The following RYR1 variants were observed in gnomAD, a reference collection of about 807,000 sequenced individuals.
RYR1 encodes ryanodine receptor 1.
A neutral mutation model predicts 583.5 loss-of-function variants in RYR1; 342 were observed. The observed-to-expected ratio is 0.59, with a 90% confidence interval of 0.54 to 0.64. The LOEUF (loss-of-function observed/expected upper bound fraction) is 0.64, where lower values mean the gene tolerates loss of function less well. Among genes scored for constraint, RYR1 ranks in the 30% least tolerant of loss-of-function variants. The pLI, the probability that RYR1 is intolerant of heterozygous loss-of-function variation, is 0.00. For synonymous variants in RYR1, 2,791 were observed against 2,822.5 expected (o/e 0.99, Z 0.35); for missense variants, 6,032 against 6,917.2 (o/e 0.87, Z 4.54).
rs944826130 is a variant in RYR1, at chr19:38,467,699, G to C, written c.3268G>C (p.Glu1090Gln). The stretch of plus-strand genomic sequence containing the variant: ...AGTGCAGAGCGGCCGCTGGTACTTC[G>C]AGTTTGAAGCAGTCACCACAGGCGA... Reference protein sequence around the residue: ...YTVQSGRWYFEFEAVTTGEMR... With the variant: ...YTVQSGRWYFQFEAVTTGEMR... The change falls in exon 25 of 106, where the codon GAG becomes CAG. Residue 1090 changes from glutamate (E) to glutamine (Q), a missense_variant. By Grantham distance (29) the Glu-to-Gln change is conservative (BLOSUM62 2). Transcript: ENST00000359596. 6.2e-7 allele frequency: 1 copy of C among 1,614,094 alleles called. No individual in the cohort carries two copies. The highest frequency in any genetic ancestry group is 1.3e-5 in the African/African-American group (1 of 74,930).
intron 88 of RYR1, among the ~76,000 whole-genome samples, chr19:38,547,031 A>T (rs1972460884): frequency 1.0e-5 from 1 of 97,604 alleles, no homozygotes; most frequent in Non-Finnish European, 2.2e-5. Context: ...ATATATTAGG[A>T]TCCCTTTTTT....
Position 38,486,090 on chromosome 19 carries a change from T to G in RYR1, c.5435T>G (p.Leu1812Arg). The G allele has an allele frequency of 6.2e-7, 1 of 1,612,856 alleles. No individual in the cohort carries two copies. The highest frequency in any genetic ancestry group is 8.5e-7 in the Non-Finnish European group (1 of 1,179,568). Residue 1812 changes from leucine to arginine, a missense_variant, in exon 34 of 106, where the codon CTG becomes CGG. Leu to Arg is a moderately radical substitution (Grantham distance 102). Around this residue, in one of 11 missense-constraint regions of RYR1, gnomAD observed 2,627 missense variants for 2,961.3 expected, o/e 0.89. Coordinates refer to ENST00000359596, the MANE Select transcript of RYR1 (RefSeq NM_000540.3). ...IPLEALRDKA[L>R]RMLGEAVRDG... is the part of the protein sequence containing the mutation. ...CTGGAGGCCCTGCGGGACAAGGCAC[T>G]GAGGATGCTGGGGGAGGCGGTGCGC...
intron 78 of RYR1, 37 bp downstream of exon 78, chr19:38,532,773 G>T: frequency 6.2e-7 from 1 of 1,601,998 alleles, no homozygotes; most frequent in Non-Finnish European, 8.5e-7. Context: ...GGAAGGGATG[G>T]GGGACCCTGA....
At chr19:38,582,201 C>T (rs774520996) in intron 101 of RYR1, among the ~76,000 whole-genome samples, 5 of 151,572 alleles carry the variant, frequency 3.3e-5, no homozygotes, top group South Asian at 2.1e-4. Context: ...AGTTTGAGAC[C>T]GGCCTGACCA....
At chr19:38,563,861 G>A (rs1973264758) in intron 90 of RYR1, among the ~76,000 whole-genome samples, 1 of 152,172 alleles carries the variant, frequency 6.6e-6, no homozygotes, top group South Asian at 2.1e-4. Flanking sequence ...AATCCTATAT[G>A]TGCCACCTTG....
Position 38,458,255 on chromosome 19 carries a change from C to G in RYR1, c.2130C>G (p.Leu710=), listed in dbSNP as rs1268369593. 6.2e-7 allele frequency: 1 copy of G among 1,614,082 alleles called. No homozygotes were observed. Among genetic ancestry groups the G allele is most frequent in the Non-Finnish European group, 8.5e-7 (1 of 1,180,010 alleles). The change falls in exon 18 of 106, where the codon CTC becomes CTG. Residue 710 remains leucine (L), a synonymous_variant. Coordinates refer to ENST00000359596, the MANE Select transcript of RYR1 (RefSeq NM_000540.3). ...GWGGNGVGDD[L]YSYGFDGLHL... ...GCGGCAACGGGGTCGGCGATGACCTCTATTCCTACGGCTTTGATGGACTGC... is the reference window on the plus strand; with the variant it reads ...GCGGCAACGGGGTCGGCGATGACCTGTATTCCTACGGCTTTGATGGACTGC...
At chr19:38,546,999 G>T (rs1473265530) in intron 88 of RYR1, among the ~76,000 whole-genome samples, 1 of 148,072 alleles carries the variant, frequency 6.8e-6, no homozygotes, top group Non-Finnish European at 1.5e-5. Flanking sequence ...TGTGGCAAAA[G>T]ATAAACAATT....
At chr19:38,490,579 TG>T (rs1322142034) in intron 36 of RYR1, 41 bp from the exon 37 acceptor site, 1 of 1,268,854 alleles carries the variant, frequency 7.9e-7, no homozygotes, top group South Asian at 1.2e-5. Flanking sequence ...GTTCCTGCTT[TG>T]GGATCTCAGA....
At chr19:38,575,589 G>A (rs894293262) in intron 96 of RYR1, among the ~76,000 whole-genome samples, 1 of 152,040 alleles carries the variant, frequency 6.6e-6, no homozygotes, top group African/African-American at 2.4e-5. Context: ...CATCACCTGA[G>A]GTCAGAAGTT....
In RYR1 at chr19:38,536,282, C is replaced by A. The variant is rs138129508; in HGVS notation, c.11590+212C>A. On this transcript the variant is annotated intron_variant, in intron 82 of 105. Coordinates refer to ENST00000359596, the MANE Select transcript of RYR1 (RefSeq NM_000540.3). Reference sequence around the variant, plus strand: ...TCCCCATGTCCACCACCCACCTCCGCCCCCCCCCGCCACCAGAAGTCATTC... The same window carrying A: ...TCCCCATGTCCACCACCCACCTCCGACCCCCCCCGCCACCAGAAGTCATTC... Among the ~76,000 whole-genome samples, 884 of 60,632 alleles carry A rather than the reference C, an allele frequency of 0.015. 16 individuals carry two copies. The highest frequency in any genetic ancestry group is 0.067 in the African/African-American group (846 of 12,702). The allele number at this position is 60,632 out of a possible 152,430, so 39.8% of individuals were successfully genotyped here.
intron 88 of RYR1, 22 bp from the exon 89 acceptor site, chr19:38,548,211 A>G: frequency 6.2e-7 from 1 of 1,613,912 alleles, no homozygotes; most frequent in South Asian, 1.1e-5. Context: ...CACCGGCCAC[A>G]CTGACCTGGG....
chr19:38,549,049 T>C (rs755011496), intron 89 of RYR1, among the ~76,000 whole-genome samples: 3 of 152,216 alleles, frequency 2.0e-5, no homozygotes, highest in Non-Finnish European at 4.4e-5. Context: ...AGTGACACTA[T>C]TGACGCATCA....
At chr19:38,587,299 T>G in intron 105 of RYR1, 26 bp from the exon 106 acceptor site, 1 of 1,493,600 alleles carries the variant, frequency 6.7e-7, no homozygotes. Context: ...ATGTGACCAA[T>G]GAACTCTTTC....
At chr19:38,507,255 C>A (rs1970505978) in intron 57 of RYR1, among the ~76,000 whole-genome samples, 1 of 140,586 alleles carries the variant, frequency 7.1e-6, no homozygotes, top group South Asian at 2.3e-4. Flanking sequence ...GGGGCGGGGA[C>A]CGGTGATTGG....
At position 38,463,542 on chromosome 19, in the gene RYR1, G is replaced by T. The variant is rs1490576928; in HGVS notation, c.2682+15G>T. The T allele has an allele frequency of 1.2e-6, 2 of 1,608,988 alleles. No homozygotes were observed. The highest frequency in any genetic ancestry group is 1.7e-4 in the Middle Eastern group (1 of 6,058). On this transcript the variant is annotated intron_variant, in intron 21 of 105. Transcript: ENST00000359596. ...CCTACGGCCCGGTGAGGGGCTGCCT[G>T]CAGCCTGCGGGAGGCCGGCTAGACT...
intron 102 of RYR1, among the ~76,000 whole-genome samples, chr19:38,585,369 G>GATATATATATATATAT (rs3039200): frequency 5.7e-4 from 80 of 141,056 alleles, no homozygotes; most frequent in African/African-American, 1.6e-3. Context: ...AAAGGCCTGA[G>GATATATATATATATAT]ATATATATAT....
chr19:38,461,118 C>T (rs1042902571), intron 20 of RYR1, among the ~76,000 whole-genome samples: 2 of 151,930 alleles, frequency 1.3e-5, no homozygotes, highest in African/African-American at 4.8e-5. Flanking sequence ...CGTGCCACTA[C>T]ACTCCAGCCT....
intron 71 of RYR1, among the ~76,000 whole-genome samples, chr19:38,526,331 A>C (rs559812564): frequency 2.6e-5 from 4 of 151,322 alleles, no homozygotes; most frequent in Admixed American, 6.6e-5. Context: ...CAAGACCCCT[A>C]TAGCCCTCCC....
At chr19:38,526,217 C>G (rs753153316) in intron 71 of RYR1, among the ~76,000 whole-genome samples, 1 of 152,054 alleles carries the variant, frequency 6.6e-6, no homozygotes, top group South Asian at 2.1e-4. Context: ...GGAGGCCTCC[C>G]GGGACCCCAC....
Sources: allele counts gnomAD v4.1 joint callset (sites outside exome capture counted in the v4.1 genomes callset), GRCh38; gene constraint gnomAD v4.1.1; regional missense constraint gnomAD v4.1.1; transcripts MANE v1.5; gene names NCBI Gene and HGNC (gene_info 2026-07-23, HGNC 2026-07-21).